UBR2: variants seen among roughly 807,000 people sequenced by gnomAD.
UBR2 encodes E3 ubiquitin-protein ligase UBR2.
In UBR2, 92 loss-of-function variants were observed where a neutral mutation model predicts 247.9. The observed-to-expected ratio is 0.37, with a 90% CI of 0.31 to 0.44. The LOEUF is 0.44. UBR2 is among the 20% of genes least tolerant of loss of function. The pLI, the probability that UBR2 is intolerant of heterozygous loss-of-function variation, is 1.00. For missense variants in UBR2, 1,613 were observed against 2,112.6 expected, an observed-to-expected ratio of 0.76 and a Z score of 4.64; for synonymous variants, 672 against 693.5, an observed-to-expected ratio of 0.97 and a Z score of 0.49.
chr6:42,619,453 A>ATTATTTTT (rs1554251972), intron 11 of UBR2: 5 of 23,716 alleles, frequency 2.1e-4, no homozygotes, highest in Admixed American at 8.3e-4. Flanking sequence ...ATATATATAT[A>ATTATTTTT]TTTTTTTTTT....
chr6:42,674,764 A>G (rs1798629254), intron 38 of UBR2, among the ~76,000 whole-genome samples: 1 of 152,100 alleles, frequency 6.6e-6, no homozygotes, highest in Non-Finnish European at 1.5e-5. Flanking sequence ...CCATCCAAAA[A>G]AAAAAAAACA....
intron 2 of UBR2, among the ~76,000 whole-genome samples, chr6:42,580,959 C>T (rs1310393152): frequency 6.6e-6 from 1 of 150,922 alleles, no homozygotes; most frequent in Non-Finnish European, 1.5e-5. Context: ...TAGGTAACCA[C>T]TGTGTTGATA....
Position 42,616,070 on chromosome 6 carries a change from T to A in UBR2, c.1162T>A (p.Phe388Ile). The A allele has an allele frequency of 2.5e-6, 4 of 1,607,514 alleles. No homozygotes were observed. Among genetic ancestry groups the A allele is most frequent in the Non-Finnish European group, 2.5e-6 (3 of 1,178,508 alleles). ...TATGGATTTGAAATACAAGAAACTA[T>A]TTGCTGTTCGATTTGCAAAAGTAAG... is the stretch of plus-strand genomic sequence containing the variant. ...LLMDLKYKKL[F>I]AVRFAKNYER... The change falls in exon 10 of 47, where the codon TTT (phenylalanine) becomes ATT (isoleucine). Residue 388 changes from phenylalanine (F) to isoleucine (I), a missense_variant. Physicochemically the swap from Phe to Ile is conservative, Grantham distance 21. This residue lies in a region of UBR2 where 1,524 missense variants were observed against 1,967.3 expected (regional missense o/e 0.77). Coordinates refer to ENST00000372901, the MANE Select transcript of UBR2 (RefSeq NM_001363705.2).
At position 42,635,590 on chromosome 6, in the gene UBR2, G is replaced by A. The variant is rs780151799; in HGVS notation, c.1674+44G>A. ...CGGGGAATAGGAGGAAAGTGGAAGAGGGAGGAATAAGCAGAATCCTAAGTA... is the reference window on the plus strand; with the variant it reads ...CGGGGAATAGGAGGAAAGTGGAAGAAGGAGGAATAAGCAGAATCCTAAGTA... On this transcript the variant is annotated intron_variant, in intron 14 of 46. Transcript: ENST00000372901. 3.9e-5 allele frequency: 62 copies of A among 1,574,784 alleles called. No homozygotes were observed. In the Admixed American group the frequency reaches 5.7e-4, roughly 15 times the overall value.
intron 1 of UBR2, among the ~76,000 whole-genome samples, chr6:42,572,187 T>C (rs1791193180): frequency 6.6e-6 from 1 of 152,214 alleles, no homozygotes; most frequent in East Asian, 1.9e-4. Flanking sequence ...GAAAATAGTT[T>C]AGTTTCACTT....
At position 42,583,814 on chromosome 6, in the gene UBR2, G is replaced by A. The variant is rs201266061; in HGVS notation, c.339-8337G>A. ...GCTGGGATTGCAGGCATGAGCCACC[G>A]CGCCCGGCCTCTCTCTCTAATTTTT... On this transcript the variant is annotated intron_variant, in intron 2 of 46. Transcript: ENST00000372901. Among the ~76,000 whole-genome samples, 2 of 150,966 alleles carry A rather than the reference G, an allele frequency of 1.3e-5. 1 individual carries two copies. Among genetic ancestry groups the A allele is most frequent in the Middle Eastern group, 6.9e-3 (2 of 290 alleles).
At chr6:42,611,018 G>A (rs1794037642) in intron 7 of UBR2, among the ~76,000 whole-genome samples, 1 of 150,732 alleles carries the variant, frequency 6.6e-6, no homozygotes, top group Non-Finnish European at 1.5e-5. Flanking sequence ...GCTAATTTTT[G>A]TATTTTTAGT....
chr6:42,631,967 G>T (rs193144484), intron 11 of UBR2, among the ~76,000 whole-genome samples: 2 of 139,372 alleles, frequency 1.4e-5, no homozygotes, highest in Non-Finnish European at 3.0e-5. Flanking sequence ...AAGGAACTAC[G>T]ATTAACAAGA....
chr6:42,633,429 C>T (rs919303490), intron 13 of UBR2, among the ~76,000 whole-genome samples: 2 of 151,460 alleles, frequency 1.3e-5, no homozygotes, highest in African/African-American at 2.4e-5. Flanking sequence ...CTCACTCTGT[C>T]GCCCAGGCTG....
intron 34 of UBR2, among the ~76,000 whole-genome samples, chr6:42,667,312 G>A (rs1215231878): frequency 2.0e-5 from 3 of 151,218 alleles, no homozygotes; most frequent in Non-Finnish European, 4.4e-5. Flanking sequence ...CTCCAGCCTG[G>A]GCGACAGACC....
At chr6:42,674,087 A>G in intron 37 of UBR2, 39 bp from the exon 38 acceptor site, 1 of 1,585,060 alleles carries the variant, frequency 6.3e-7, no homozygotes, top group Non-Finnish European at 8.6e-7. Context: ...ACATGTTGGC[A>G]TATGAAATAT....
intron 9 of UBR2, 56 bp from the exon 10 acceptor site, chr6:42,615,946 G>C: frequency 7.7e-7 from 1 of 1,296,744 alleles, no homozygotes; most frequent in Non-Finnish European, 1.1e-6. Context: ...CATAACACTT[G>C]AGAAATGTAA....
intron 11 of UBR2, among the ~76,000 whole-genome samples, chr6:42,626,262 T>C (rs1335139014): frequency 2.0e-5 from 3 of 152,086 alleles, no homozygotes; most frequent in Non-Finnish European, 4.4e-5. Context: ...CTTTCAGCCT[T>C]CTTTTCTGAT....
At chr6:42,651,560 G>A (rs998606177) in intron 23 of UBR2, among the ~76,000 whole-genome samples, 3 of 151,490 alleles carry the variant, frequency 2.0e-5, no homozygotes, top group African/African-American at 2.4e-5. Flanking sequence ...TGCAGACCTC[G>A]GCTCACTAGA....
At chr6:42,665,105 C>T (rs1432378585) in intron 32 of UBR2, among the ~76,000 whole-genome samples, 1 of 152,182 alleles carries the variant, frequency 6.6e-6, no homozygotes, top group African/African-American at 2.4e-5. Flanking sequence ...GTGCTTGTAA[C>T]ATAATAAGCA....
chr6:42,612,236 TC>T lies in UBR2; in HGVS notation c.931del (p.Gln311ArgfsTer5). On this transcript the variant is annotated frameshift_variant, in exon 8 of 47. Transcript: ENST00000372901. LOFTEE classifies it high-confidence loss of function. ...TTATGCATTCGTCTATTGTCGCACA[TC>T]AGAATTTTGGTTTGAAACTTTTGTC... ...QVMHSSIVAHQNFGLKLLSWL... is the reference protein window; with the variant it reads ...QVMHSSIVAHXNFGLKLLSWL... The T allele has an allele frequency of 6.5e-7, 1 of 1,546,394 alleles. No individual in the cohort carries two copies. The highest frequency in any genetic ancestry group is 8.8e-7 in the Non-Finnish European group (1 of 1,131,788).
chr6:42,614,167 A>G (rs1794270348), intron 8 of UBR2, among the ~76,000 whole-genome samples: 1 of 120,302 alleles, frequency 8.3e-6, no homozygotes, highest in Admixed American at 9.6e-5. Flanking sequence ...ACAGAGTAAG[A>G]CTCTGTCTCC....
At chr6:42,603,065 G>C (rs1179046730) in intron 4 of UBR2, among the ~76,000 whole-genome samples, 2 of 152,074 alleles carry the variant, frequency 1.3e-5, no homozygotes, top group Non-Finnish European at 2.9e-5. Context: ...ATGCATGCAC[G>C]TCTCACCCTG....
At chr6:42,635,325 CAA>C in intron 13 of UBR2, 91 bp from the exon 14 acceptor site, 1 of 1,257,762 alleles carries the variant, frequency 8.0e-7, no homozygotes, top group Non-Finnish European at 1.1e-6. Context: ...TTTTTATAAT[CAA>C]TATATATTTC....
Sources: gnomAD v4.1 joint callset for allele counts (sites outside exome capture counted in the v4.1 genomes callset) on GRCh38, gnomAD v4.1.1 for gene constraint, gnomAD v4.1.1 regional missense constraint, MANE v1.5 for transcripts, NCBI Gene and HGNC (gene_info 2026-07-23, HGNC 2026-07-21) for gene names.